CNTNAP2: variants seen among roughly 807,000 people sequenced by gnomAD.
CNTNAP2 encodes the protein contactin-associated protein-like 2.
A neutral mutation model predicts 155.2 loss-of-function variants in CNTNAP2; 98 were observed. The observed-to-expected ratio is 0.63, with a 90% CI of 0.54 to 0.75. The LOEUF (loss-of-function observed/expected upper bound fraction) is 0.75. Ranked by LOEUF, CNTNAP2 falls within the 30% of genes least tolerant of loss-of-function variation. The pLI, the probability that CNTNAP2 is intolerant of heterozygous loss-of-function variation, is 0.00. For missense variants in CNTNAP2, 1,727 were observed against 1,688.1 expected (o/e 1.02, Z -0.40); for synonymous variants, 651 against 631.2 (o/e 1.03, Z -0.47).
At chr7:146,128,336 C>G (rs1200867742) in intron 1 of CNTNAP2, among the ~76,000 whole-genome samples, 1 of 152,150 alleles carries the variant, frequency 6.6e-6, no homozygotes, top group Non-Finnish European at 1.5e-5. Context: ...TAAGGATGCT[C>G]AAGCATTTTA....
chr7:147,092,952 G>A (rs1001077322), intron 4 of CNTNAP2, among the ~76,000 whole-genome samples: 1 of 152,126 alleles, frequency 6.6e-6, no homozygotes, highest in East Asian at 1.9e-4. Flanking sequence ...GCCGGGCGCG[G>A]TGGCTCACGC....
Position 146,137,987 on chromosome 7 carries a change from C to G in CNTNAP2, c.97+21014C>G, listed in dbSNP as rs565022928. ...ATAATGAGGTTTGGGTTTTTTTATT[C>G]TTTTCAAATTAGGTTTAAATATTTT... is the stretch of plus-strand genomic sequence containing the variant. On this transcript the variant is annotated intron_variant, in intron 1 of 23. Coordinates refer to ENST00000361727, the MANE Select transcript of CNTNAP2 (RefSeq NM_014141.6). 2.0e-5 allele frequency among the ~76,000 whole-genome samples: 3 copies of G among 151,738 alleles called. No individual in the cohort carries two copies. In the South Asian group the frequency reaches 6.2e-4, roughly 32 times the overall value.
intron 13 of CNTNAP2, among the ~76,000 whole-genome samples, chr7:147,662,279 A>G (rs1795624386): frequency 1.3e-5 from 2 of 152,188 alleles, no homozygotes; most frequent in Admixed American, 6.5e-5. Context: ...TCTCTATCAC[A>G]GCCTGAAGGG....
At chr7:148,146,176 G>T (rs1020567003) in intron 16 of CNTNAP2, among the ~76,000 whole-genome samples, 1 of 152,144 alleles carries the variant, frequency 6.6e-6, no homozygotes, top group Non-Finnish European at 1.5e-5. Context: ...AAAAAAAAAT[G>T]ACAGATATTT....
At chr7:148,061,954 T>TAA (rs1554468121) in intron 15 of CNTNAP2, among the ~76,000 whole-genome samples, 41 of 95,932 alleles carry the variant, frequency 4.3e-4, no homozygotes, top group African/African-American at 1.4e-3. Flanking sequence ...GATAAACAGA[T>TAA]ATAGATAGAT....
intron 22 of CNTNAP2, 23 bp from the exon 23 acceptor site, chr7:148,409,368 C>T (rs1240986834): frequency 7.4e-7 from 1 of 1,345,564 alleles, no homozygotes; most frequent in Non-Finnish European, 1.0e-6. Context: ...GACTCTGACA[C>T]TTGACTCTTT....
At chr7:146,821,032 T>C (rs1184277775) in intron 2 of CNTNAP2, among the ~76,000 whole-genome samples, 1 of 152,154 alleles carries the variant, frequency 6.6e-6, no homozygotes, top group Non-Finnish European at 1.5e-5. Flanking sequence ...TCTTCCTCCA[T>C]CCCTTTATTT....
intron 3 of CNTNAP2, among the ~76,000 whole-genome samples, chr7:146,988,426 G>GA (rs1798153358): frequency 1.3e-5 from 2 of 152,154 alleles, no homozygotes; most frequent in Middle Eastern, 3.4e-3. Context: ...CACAGAGGTA[G>GA]AAAAAATACA....
intron 3 of CNTNAP2, among the ~76,000 whole-genome samples, chr7:147,029,752 C>T (rs1013441791): frequency 6.6e-6 from 1 of 152,066 alleles, no homozygotes; most frequent in African/African-American, 2.4e-5. Flanking sequence ...TCAGACATTA[C>T]ATTTAGTATT....
intron 13 of CNTNAP2, among the ~76,000 whole-genome samples, chr7:147,665,662 C>G (rs1467407683): frequency 6.6e-6 from 1 of 151,992 alleles, no homozygotes; most frequent in African/African-American, 2.4e-5. Context: ...GTGTGTTTCC[C>G]TCTGTCTGTC....
At chr7:146,243,839 T>C (rs988282282) in intron 1 of CNTNAP2, among the ~76,000 whole-genome samples, 4 of 152,124 alleles carry the variant, frequency 2.6e-5, no homozygotes, top group African/African-American at 9.7e-5. Flanking sequence ...CTTATATTAA[T>C]AAGAAAAATA....
chr7:146,746,531 C>A (rs928574903), intron 1 of CNTNAP2, among the ~76,000 whole-genome samples: 2 of 152,006 alleles, frequency 1.3e-5, no homozygotes, highest in African/African-American at 4.8e-5. Flanking sequence ...AAAGTTATAA[C>A]AATAATAGAT....
chr7:147,597,922 G>A (rs942119750), intron 12 of CNTNAP2, among the ~76,000 whole-genome samples: 1 of 152,174 alleles, frequency 6.6e-6, no homozygotes, highest in African/African-American at 2.4e-5. Flanking sequence ...AAGGGCGTAG[G>A]TCAGAAACAA....
At chr7:148,301,261 T>C (rs1797381318) in intron 21 of CNTNAP2, among the ~76,000 whole-genome samples, 1 of 144,728 alleles carries the variant, frequency 6.9e-6, no homozygotes, top group Non-Finnish European at 1.5e-5. Flanking sequence ...GCCACTTCAC[T>C]TCAGCCTGGG....
chr7:148,122,704 C>T (rs1041293222), intron 16 of CNTNAP2, among the ~76,000 whole-genome samples: 1 of 152,016 alleles, frequency 6.6e-6, no homozygotes, highest in African/African-American at 2.4e-5. Flanking sequence ...GACAACCAGC[C>T]ATGGGAGCCT....
intron 8 of CNTNAP2, among the ~76,000 whole-genome samples, chr7:147,218,300 T>C (rs923433694): frequency 2.0e-5 from 3 of 151,830 alleles, no homozygotes; most frequent in Admixed American, 6.6e-5. Flanking sequence ...CAAAGCATTG[T>C]TTTTACTACA....
intron 13 of CNTNAP2, among the ~76,000 whole-genome samples, chr7:147,763,678 T>C (rs1035637239): frequency 4.6e-5 from 7 of 152,104 alleles, no homozygotes; most frequent in Non-Finnish European, 7.4e-5. Context: ...GCATTGACTA[T>C]AAGGGCAAGC....
chr7:147,293,661 T>G (rs1306420209), intron 8 of CNTNAP2, among the ~76,000 whole-genome samples: 30 of 152,142 alleles, frequency 2.0e-4, no homozygotes. Flanking sequence ...TTAAATACGT[T>G]CTTTTTCTTT....
intron 8 of CNTNAP2, among the ~76,000 whole-genome samples, chr7:147,203,886 C>T (rs1802969525): frequency 6.6e-6 from 1 of 151,846 alleles, no homozygotes; most frequent in African/African-American, 2.4e-5. Flanking sequence ...ATTATAATAG[C>T]AAAATGTAAG....
Sources: allele counts gnomAD v4.1 joint callset (sites outside exome capture counted in the v4.1 genomes callset), GRCh38; gene constraint gnomAD v4.1.1; transcripts MANE v1.5; gene names NCBI Gene and HGNC (gene_info 2026-07-23, HGNC 2026-07-21).